Variants in LOC128092246 observed in about 807,000 individuals in gnomAD.
the LOC128092246 span, chr6:53,041,323 G>C: frequency 1.2e-6 from 1 of 865,036 alleles, no homozygotes; most frequent in Non-Finnish European, 2.0e-6. Context: ...AGTGTAACCA[G>C]ATTTTTCGAT....
At chr6:53,041,270 G>A in the LOC128092246 span, 29 of 1,504,760 alleles carry the variant, frequency 1.9e-5, no homozygotes, top group Middle Eastern at 1.7e-4. Context: ...CTCATCTCAC[G>A]GCCGAAGTGG....
chr6:53,041,311 A>G, the LOC128092246 span: 1 of 991,480 alleles, frequency 1.0e-6, no homozygotes, highest in Non-Finnish European at 1.6e-6. Flanking sequence ...AGTCCTCCCC[A>G]GAGTGTAACC....
At chr6:53,041,309 C>A in the LOC128092246 span, 1 of 1,036,384 alleles carries the variant, frequency 9.6e-7, no homozygotes, top group Non-Finnish European at 1.5e-6. Context: ...GCAGTCCTCC[C>A]CAGAGTGTAA....
the LOC128092246 span, chr6:53,041,331 G>T: frequency 1.6e-5 from 13 of 817,112 alleles, no homozygotes; most frequent in African/African-American, 1.7e-4. Context: ...CAGATTTTTC[G>T]ATGGCAGCAC....
the LOC128092246 span, chr6:53,041,345 C>T: frequency 1.0e-5 from 8 of 765,716 alleles, no homozygotes; most frequent in Non-Finnish European, 1.7e-5. Flanking sequence ...GCAGCACCAG[C>T]ACAAGGTATT....
the LOC128092246 span, chr6:53,041,317 T>A: frequency 1.1e-6 from 1 of 948,104 alleles, no homozygotes; most frequent in Non-Finnish European, 1.7e-6. Context: ...CCCCAGAGTG[T>A]AACCAGATTT....
chr6:53,041,307 C>T, the LOC128092246 span: 118 of 1,045,988 alleles, frequency 1.1e-4, 1 homozygote, highest in South Asian at 1.4e-3. Flanking sequence ...TAGCAGTCCT[C>T]CCCAGAGTGT....
At chr6:53,041,285 G>A in the LOC128092246 span, 1 of 1,322,172 alleles carries the variant, frequency 7.6e-7, no homozygotes, top group South Asian at 1.2e-5. Flanking sequence ...AAGTGGTTCA[G>A]TTCTGCAGTG....
the LOC128092246 span, chr6:53,041,364 C>A: frequency 1.1e-5 from 8 of 711,530 alleles, no homozygotes; most frequent in Non-Finnish European, 2.1e-5. Flanking sequence ...TTCAATAGGA[C>A]GTGACTGTCT....
chr6:53,041,271 G>T, the LOC128092246 span: 1 of 1,507,404 alleles, frequency 6.6e-7, no homozygotes. Flanking sequence ...TCATCTCACG[G>T]CCGAAGTGGT....
the LOC128092246 span, chr6:53,041,281 T>A: frequency 7.1e-7 from 1 of 1,408,542 alleles, no homozygotes; most frequent in Non-Finnish European, 1.0e-6. Flanking sequence ...GCCGAAGTGG[T>A]TCAGTTCTGC....
At chr6:53,041,359 T>G in the LOC128092246 span, 1 of 732,548 alleles carries the variant, frequency 1.4e-6, no homozygotes, top group Non-Finnish European at 2.5e-6. Flanking sequence ...AGGTATTCAA[T>G]AGGACGTGAC....
the LOC128092246 span, chr6:53,041,268 A>C: frequency 4.6e-6 from 7 of 1,518,182 alleles, no homozygotes; most frequent in Non-Finnish European, 6.4e-6. Context: ...CACTCATCTC[A>C]CGGCCGAAGT....
chr6:53,041,381 T>C, the LOC128092246 span: 4 of 662,734 alleles, frequency 6.0e-6, no homozygotes, highest in South Asian at 6.3e-5. Context: ...GTCTCCCAAA[T>C]ACATATTTCC....
the LOC128092246 span, chr6:53,041,368 A>T: frequency 1.6e-5 from 11 of 703,658 alleles, no homozygotes; most frequent in Middle Eastern, 3.7e-4. Context: ...ATAGGACGTG[A>T]CTGTCTCCCA....
chr6:53,041,361 G>A, the LOC128092246 span: 2 of 715,238 alleles, frequency 2.8e-6, no homozygotes, highest in South Asian at 1.4e-5. Context: ...GTATTCAATA[G>A]GACGTGACTG....
chr6:53,041,331 G>A, the LOC128092246 span: 4 of 817,230 alleles, frequency 4.9e-6, no homozygotes, highest in Middle Eastern at 3.0e-4. Context: ...CAGATTTTTC[G>A]ATGGCAGCAC....
At chr6:53,041,310 C>G in the LOC128092246 span, 1 of 990,618 alleles carries the variant, frequency 1.0e-6, no homozygotes, top group Non-Finnish European at 1.6e-6. Context: ...CAGTCCTCCC[C>G]AGAGTGTAAC....
the LOC128092246 span, chr6:53,041,295 G>T: frequency 8.4e-7 from 1 of 1,188,782 alleles, no homozygotes; most frequent in Non-Finnish European, 1.3e-6. Context: ...GTTCTGCAGT[G>T]GTAGCAGTCC....
Sources: gnomAD v4.1 joint callset for allele counts on GRCh38, gnomAD v4.1.1 for gene constraint, MANE v1.5 for transcripts.